Variants in CFAP47 observed in about 807,000 individuals in gnomAD.
The protein encoded by CFAP47 is cilia- and flagella-associated protein 47.
CFAP47 carries 29 observed loss-of-function variants against 148.1 expected under a neutral mutation model. The ratio of observed to expected loss-of-function variants is 0.20; its 90% CI spans 0.15 to 0.27. CFAP47 has a LOEUF of 0.27. CFAP47 is among the 10% of genes least tolerant of loss of function. CFAP47 has a pLI of 1.00. For synonymous variants in CFAP47, 664 were observed against 577.3 expected, an observed-to-expected ratio of 1.15 and a Z score of -2.15; for missense variants, 1,872 against 1,697.5, an observed-to-expected ratio of 1.10 and a Z score of -1.81.
intron 21 of CFAP47, among the ~76,000 whole-genome samples, chrX:36,011,731 C>T (rs774465078): frequency 9.0e-6 from 1 of 111,498 alleles, no homozygotes; most frequent in South Asian, 3.8e-4. Context: ...TGTTTAAGTT[C>T]CTTGTAGATT....
In CFAP47 at chrX:35,940,665, G is replaced by A. The variant is rs6629022; in HGVS notation, c.402-618G>A. ...CTGTCTCTCTTTTTCTCTCTCCCCC[G>A]CTCTCTCTCTCTGTGCGAAGTGTGG... On this transcript the variant is annotated intron_variant, in intron 2 of 63. Transcript: ENST00000378653. Among the ~76,000 whole-genome samples the A allele has an allele frequency of 4.6e-5, 5 of 109,209 alleles. No individual in the cohort carries two copies. In the Admixed American group the frequency reaches 4.9e-4, roughly 11 times the overall value. 94.8% of individuals were successfully genotyped at this position (109,209 alleles called of 115,157 possible).
chrX:35,972,908 C>A (rs1206129530), intron 13 of CFAP47, among the ~76,000 whole-genome samples: 1 of 110,870 alleles, frequency 9.0e-6, no homozygotes, highest in Non-Finnish European at 1.9e-5. Context: ...TAAAAAAAAA[C>A]CCTCTAAAAT....
At chrX:35,921,714 A>G (rs1935580015) in intron 1 of CFAP47, among the ~76,000 whole-genome samples, 1 of 111,688 alleles carries the variant, frequency 9.0e-6, no homozygotes, top group Non-Finnish European at 1.9e-5. Flanking sequence ...CCTTTGTTGC[A>G]AGACTATGAA....
At position 36,201,504 on chromosome X, in the gene CFAP47, G is replaced by A; in HGVS notation, c.6663+4G>A. ...CCTGGGACTGACGAAGATCGAGGTGGGAATGGAGTAATAGATGATTCACTT... is the reference window on the plus strand; with the variant it reads ...CCTGGGACTGACGAAGATCGAGGTGAGAATGGAGTAATAGATGATTCACTT... On this transcript the variant is annotated splice_donor_region_variant and intron_variant, in intron 44 of 63. Coordinates refer to ENST00000378653, the MANE Select transcript of CFAP47 (RefSeq NM_001304548.2). 3.4e-6 allele frequency: 1 copy of A among 296,360 alleles called. No individual in the cohort carries two copies. The highest frequency in any genetic ancestry group is 5.9e-6 in the Non-Finnish European group (1 of 169,594). The allele number at this position is 296,360 out of a possible 1,213,427, so 24.4% of individuals were successfully genotyped here.
chrX:36,059,288 C>T (rs983511724), intron 26 of CFAP47, among the ~76,000 whole-genome samples: 4 of 111,589 alleles, frequency 3.6e-5, no homozygotes, highest in South Asian at 3.7e-4. Flanking sequence ...CAATAAAGTG[C>T]ACTACACTAT....
intron 25 of CFAP47, among the ~76,000 whole-genome samples, chrX:36,039,442 T>C (rs1363350421): frequency 8.9e-6 from 1 of 112,549 alleles, no homozygotes. Flanking sequence ...TTCAATATAT[T>C]AGTTTTCTAG....
chrX:36,131,469 G>T (rs1457690986), intron 33 of CFAP47, among the ~76,000 whole-genome samples: 14 of 111,013 alleles, frequency 1.3e-4, no homozygotes, highest in Non-Finnish European at 1.9e-4. Context: ...ATAAAAAAAA[G>T]TCTCTTGAGA....
chrX:36,246,325 A>G (rs5973622), intron 48 of CFAP47, among the ~76,000 whole-genome samples: 38,050 of 111,007 alleles, frequency 0.34, 7,063 homozygotes, highest in African/African-American at 0.72. Context: ...CATCATCACT[A>G]ATCATCAGAG....
Position 35,951,151 on chromosome X carries a change from C to T in CFAP47, c.677C>T (p.Pro226Leu), listed in dbSNP as rs1198123565. ...TGTAGAGTGATTTTGCAAGGTCAAC[C>T]TGAGATGCTCTTGAGTATCAAAGCT... ...EEAIVILQGQ[P>L]EMLLSIKAHV... is the part of the protein sequence containing the mutation. Residue 226 changes from proline (P) to leucine (L), a missense_variant, in exon 5 of 64, where the codon CCT (proline) becomes CTT (leucine). Pro to Leu is a moderately conservative substitution (Grantham distance 98, BLOSUM62 -3). Coordinates refer to ENST00000378653, the MANE Select transcript of CFAP47 (RefSeq NM_001304548.2). 6.6e-6 allele frequency: 8 copies of T among 1,207,357 alleles called. No individual in the cohort carries two copies. In the South Asian group the frequency reaches 1.4e-4, roughly 21 times the overall value.
intron 30 of CFAP47, among the ~76,000 whole-genome samples, chrX:36,087,101 C>T (rs1182008706): frequency 1.8e-5 from 2 of 111,776 alleles, no homozygotes; most frequent in Non-Finnish European, 3.8e-5. Flanking sequence ...TATAGGAATC[C>T]CTCTCCCTGT....
chrX:35,925,334 C>T (rs2146613995), intron 1 of CFAP47, among the ~76,000 whole-genome samples: 1 of 110,051 alleles, frequency 9.1e-6, no homozygotes, highest in East Asian at 2.9e-4. Context: ...GAGATCACGC[C>T]ACTGCACTCC....
At chrX:36,234,409 G>A (rs1222642273) in intron 46 of CFAP47, among the ~76,000 whole-genome samples, 2 of 111,584 alleles carry the variant, frequency 1.8e-5, no homozygotes, top group Non-Finnish European at 3.8e-5. Context: ...GATCGCATCG[G>A]CTCCTGAGGC....
chrX:36,138,405 C>T lies in CFAP47; in HGVS notation c.5476C>T (p.His1826Tyr). The stretch of plus-strand genomic sequence containing the variant: ...ACCAAAAAGTCCTGAAGAGTATCTG[C>T]ACAATTGCCTGATTATTGTAAATAC... ...TRPKSPEEYL[H>Y]NCLIIVNTLY... The change falls in exon 35 of 64, where the codon CAC (histidine) becomes TAC (tyrosine). Residue 1826 changes from histidine (H) to tyrosine (Y), a missense_variant. By Grantham distance (83) the His-to-Tyr change is moderately conservative. Transcript: ENST00000378653. The T allele has an allele frequency of 8.5e-7, 1 of 1,170,602 alleles. No homozygotes were observed. Among genetic ancestry groups the T allele is most frequent in the Non-Finnish European group, 1.1e-6 (1 of 879,260 alleles).
chrX:36,009,176 A>G (rs992649026), intron 21 of CFAP47, among the ~76,000 whole-genome samples: 2 of 111,584 alleles, frequency 1.8e-5, no homozygotes, highest in African/African-American at 3.3e-5. Context: ...TCAGATGAAG[A>G]TGACAGTTTG....
At chrX:36,117,369 CA>C (rs1938660021) in intron 33 of CFAP47, among the ~76,000 whole-genome samples, 3 of 111,729 alleles carry the variant, frequency 2.7e-5, no homozygotes, top group Admixed American at 9.5e-5. Context: ...ACGTTCCCAC[CA>C]GCAGTGTAGG....
At chrX:36,289,862 C>T (rs782024226) in intron 51 of CFAP47, among the ~76,000 whole-genome samples, 1 of 111,479 alleles carries the variant, frequency 9.0e-6, no homozygotes, top group Non-Finnish European at 1.9e-5. Flanking sequence ...CAAGGCCGTG[C>T]CTAGAGTTAA....
chrX:36,383,968 G>C (rs1255289969), intron 63 of CFAP47, among the ~76,000 whole-genome samples: 5 of 111,740 alleles, frequency 4.5e-5, no homozygotes, highest in African/African-American at 1.6e-4. Flanking sequence ...ATAAATCACT[G>C]TGTAAATTCT....
chrX:36,218,108 A>AG (rs200199391), intron 45 of CFAP47, among the ~76,000 whole-genome samples: 30,700 of 111,279 alleles, frequency 0.28, 4,959 homozygotes, highest in African/African-American at 0.61. Flanking sequence ...TCAGTCTGCA[A>AG]AAATTAAAAA....
chrX:36,091,289 C>T (rs1052858405), intron 30 of CFAP47, among the ~76,000 whole-genome samples: 1 of 111,458 alleles, frequency 9.0e-6, no homozygotes, highest in Non-Finnish European at 1.9e-5. Context: ...TAATGGTTCC[C>T]TGATATTTTC....
Sources: gnomAD v4.1 joint callset for allele counts (sites outside exome capture counted in the v4.1 genomes callset) on GRCh38, gnomAD v4.1.1 for gene constraint, MANE v1.5 for transcripts, NCBI Gene and HGNC (gene_info 2026-07-23, HGNC 2026-07-21) for gene names.